PTPRD: variants seen among roughly 807,000 people sequenced by gnomAD.
PTPRD encodes the protein protein tyrosine phosphatase receptor type D.
Under a neutral mutation model 214.5 loss-of-function variants are expected in PTPRD, and 34 were observed. The ratio of observed to expected loss-of-function variants is 0.16; its 90% CI spans 0.12 to 0.21. PTPRD has a LOEUF of 0.21. Among genes scored for constraint, PTPRD ranks in the 10% least tolerant of loss-of-function variants. PTPRD has a pLI of 1.00. For missense variants in PTPRD, 2,545 were observed against 2,398.7 expected (o/e 1.06, Z -1.27); for synonymous variants, 1,128 against 845.7 (o/e 1.33, Z -5.79).
intron 4 of PTPRD, among the ~76,000 whole-genome samples, chr9:10,030,295 G>C (rs56244081): frequency 0.24 from 36,560 of 150,582 alleles, 4,861 homozygotes; most frequent in East Asian, 0.49. Flanking sequence ...TTCTTTTGGG[G>C]AAACTGGGTA....
Position 9,363,285 on chromosome 9 carries a change from A to T in PTPRD, c.-203+34164T>A, listed in dbSNP as rs2056850795. Reference sequence around the variant, plus strand: ...CTAAAATGCCTCTCAGAATCATAACAAGTCTTAACATTCTAGATAGTTGTA... The same window carrying T: ...CTAAAATGCCTCTCAGAATCATAACTAGTCTTAACATTCTAGATAGTTGTA... On this transcript the variant is annotated intron_variant, in intron 9 of 45. Coordinates refer to ENST00000381196, the MANE Select transcript of PTPRD (RefSeq NM_002839.4). 2.0e-5 allele frequency among the ~76,000 whole-genome samples: 3 copies of T among 151,084 alleles called. No individual in the cohort carries two copies. In the Admixed American group the frequency reaches 2.0e-4, roughly 10 times the overall value.
At chr9:10,142,112 CAAA>C (rs1297090349) in intron 3 of PTPRD, among the ~76,000 whole-genome samples, 1 of 152,016 alleles carries the variant, frequency 6.6e-6, no homozygotes, top group African/African-American at 2.4e-5. Flanking sequence ...ACACCTTATA[CAAA>C]AATCAATTCA....
chr9:9,352,245 C>T (rs1291489711), intron 9 of PTPRD, among the ~76,000 whole-genome samples: 1 of 151,284 alleles, frequency 6.6e-6, no homozygotes, highest in Non-Finnish European at 1.5e-5. Flanking sequence ...ATTTATCTGT[C>T]CAGCTTTGTA....
chr9:8,915,157 T>G (rs73422051), intron 11 of PTPRD, among the ~76,000 whole-genome samples: 5,591 of 152,254 alleles, frequency 0.037, 343 homozygotes, highest in African/African-American at 0.13. Context: ...ATTTTCATTT[T>G]TATCCTAAAA....
At chr9:9,806,450 T>C (rs2099073841) in intron 5 of PTPRD, among the ~76,000 whole-genome samples, 1 of 151,952 alleles carries the variant, frequency 6.6e-6, no homozygotes, top group Non-Finnish European at 1.5e-5. Context: ...TCCTCCCCGC[T>C]CTTGTGACAA....
chr9:8,837,542 G>A (rs1025339612), intron 11 of PTPRD, among the ~76,000 whole-genome samples: 1 of 151,820 alleles, frequency 6.6e-6, no homozygotes, highest in Non-Finnish European at 1.5e-5. Flanking sequence ...TCACTCTGTT[G>A]CCCAGACTGG....
chr9:10,433,172 C>G (rs2098694511), intron 2 of PTPRD, among the ~76,000 whole-genome samples: 1 of 151,698 alleles, frequency 6.6e-6, no homozygotes, highest in Non-Finnish European at 1.5e-5. Flanking sequence ...TCTGAAGACC[C>G]ATATGGAAAG....
At chr9:9,548,344 A>C (rs1041187859) in intron 8 of PTPRD, among the ~76,000 whole-genome samples, 2 of 151,430 alleles carry the variant, frequency 1.3e-5, no homozygotes, top group African/African-American at 2.4e-5. Context: ...AAGGGCAAAG[A>C]TTGCCAGAGT....
chr9:9,442,623 T>C (rs1486361514), intron 8 of PTPRD, among the ~76,000 whole-genome samples: 1 of 152,192 alleles, frequency 6.6e-6, no homozygotes, highest in Non-Finnish European at 1.5e-5. Flanking sequence ...TGATGGATTG[T>C]TATTTATCTG....
intron 3 of PTPRD, among the ~76,000 whole-genome samples, chr9:10,121,854 A>C (rs1312069888): frequency 6.6e-6 from 1 of 152,082 alleles, no homozygotes; most frequent in East Asian, 1.9e-4. Context: ...GAAGTGTGAC[A>C]TTCTCTACTG....
chr9:8,925,323 G>A (rs1036415722), intron 11 of PTPRD, among the ~76,000 whole-genome samples: 1 of 151,982 alleles, frequency 6.6e-6, no homozygotes, highest in Non-Finnish European at 1.5e-5. Flanking sequence ...ATGGCTCCGA[G>A]GCAGGGGATG....
intron 7 of PTPRD, among the ~76,000 whole-genome samples, chr9:9,706,097 GAATA>G (rs1339440539): frequency 7.2e-5 from 11 of 151,956 alleles, no homozygotes; most frequent in Non-Finnish European, 1.6e-4. Flanking sequence ...GCACAATACT[GAATA>G]AATAACAGCT....
At chr9:10,042,205 T>C (rs563679433) in intron 3 of PTPRD, among the ~76,000 whole-genome samples, 1 of 152,086 alleles carries the variant, frequency 6.6e-6, no homozygotes, top group South Asian at 2.1e-4. Context: ...TTTTCACCTG[T>C]TCAGCTGCCA....
chr9:9,127,361 T>C (rs545057417), intron 10 of PTPRD, among the ~76,000 whole-genome samples: 1 of 152,180 alleles, frequency 6.6e-6, no homozygotes, highest in African/African-American at 2.4e-5. Flanking sequence ...GTTAACCTCA[T>C]AACAAACAGT....
intron 3 of PTPRD, among the ~76,000 whole-genome samples, chr9:10,112,901 T>C (rs1278474588): frequency 6.6e-6 from 1 of 152,248 alleles, no homozygotes; most frequent in African/African-American, 2.4e-5. Context: ...TCTGGTATTT[T>C]AGAGCTTGTC....
chr9:8,589,231 C>T (rs1002639437), intron 14 of PTPRD, among the ~76,000 whole-genome samples: 6 of 152,172 alleles, frequency 3.9e-5, no homozygotes, highest in African/African-American at 9.7e-5. Context: ...ACCAACCAAA[C>T]AAGCATCTTC....
intron 3 of PTPRD, among the ~76,000 whole-genome samples, chr9:10,108,746 A>G (rs984430209): frequency 6.6e-6 from 1 of 152,124 alleles, no homozygotes; most frequent in African/African-American, 2.4e-5. Flanking sequence ...ATGGAAAAAA[A>G]TGTGGTATTT....
rs573837360 is a variant in PTPRD at position 8,645,026 on chromosome 9, C to A, written c.65-8182G>T. 2.0e-4 allele frequency among the ~76,000 whole-genome samples: 31 copies of A among 152,352 alleles called. 1 individual carries two copies. The East Asian group carries it at 5.8e-3, about 28-fold the overall frequency. On this transcript the variant is annotated intron_variant, in intron 12 of 45. Coordinates refer to ENST00000381196, the MANE Select transcript of PTPRD (RefSeq NM_002839.4). ...CTAATATTTTCACTGTGCCAAATTA[C>A]AAGCTAGAAAATTATAAAGATTGCA...
intron 10 of PTPRD, among the ~76,000 whole-genome samples, chr9:9,118,195 A>C (rs2099814168): frequency 6.6e-6 from 1 of 152,190 alleles, no homozygotes; most frequent in Non-Finnish European, 1.5e-5. Context: ...TAACACTATA[A>C]AAGTATTTAA....
Sources: gnomAD v4.1 joint callset for allele counts (sites outside exome capture counted in the v4.1 genomes callset) on GRCh38, gnomAD v4.1.1 for gene constraint, MANE v1.5 for transcripts, NCBI Gene and HGNC (gene_info 2026-07-23, HGNC 2026-07-21) for gene names.